The following TMEM40 variants were observed in gnomAD, a reference collection of about 807,000 sequenced individuals.
The protein encoded by TMEM40 is transmembrane protein 40.
Under a neutral mutation model 40.8 loss-of-function variants are expected in TMEM40, and 34 were observed. That is an observed-to-expected ratio of 0.83 (90% confidence interval 0.63 to 1.11). TMEM40 has a LOEUF of 1.11. Ranked by LOEUF, TMEM40 falls within the 50% of genes least tolerant of loss-of-function variation. The pLI, the probability that TMEM40 is intolerant of heterozygous loss-of-function variation, is 0.00. For missense variants in TMEM40, 296 were observed against 280.2 expected (o/e 1.06, Z -0.40); for synonymous variants, 106 against 107.0 (o/e 0.99, Z 0.06).
intron 1 of TMEM40, among the ~76,000 whole-genome samples, chr3:12,766,744 C>T (rs947727290): frequency 6.6e-6 from 1 of 152,182 alleles, no homozygotes; most frequent in African/African-American, 2.4e-5. Flanking sequence ...TCTGAGAGGC[C>T]AGCTGGACAG....
intron 1 of TMEM40, among the ~76,000 whole-genome samples, chr3:12,768,903 A>C (rs537988566): frequency 5.2e-5 from 2 of 38,582 alleles, no homozygotes; most frequent in African/African-American, 2.1e-4. Context: ...GGGGCGGGGC[A>C]GGGCGGGCCG....
chr3:12,735,736 G>C, intron 10 of TMEM40, 119 bp from the exon 11 acceptor site: 1 of 777,340 alleles, frequency 1.3e-6, no homozygotes, highest in East Asian at 2.6e-5. Flanking sequence ...ACTTCAGGCA[G>C]CAGGTTAAGC....
chr3:12,752,853 T>C (rs907373376), intron 1 of TMEM40, among the ~76,000 whole-genome samples: 2 of 151,048 alleles, frequency 1.3e-5, no homozygotes, highest in Admixed American at 6.6e-5. Context: ...GACCACACAG[T>C]AAGTGGTTAA....
At chr3:12,761,392 T>C (rs187296198), upstream of TMEM40, among the ~76,000 whole-genome samples, 1 of 152,044 alleles carries the variant, frequency 6.6e-6, no homozygotes, top group Non-Finnish European at 1.5e-5. Flanking sequence ...ATCACTTGAG[T>C]CCAGGAGTTC....
At chr3:12,769,396 G>A in exon 1 of TMEM40, 1 of 198,020 alleles carries the variant, frequency 5.0e-6, no homozygotes, top group South Asian at 4.6e-5. Context: ...CGAGGGCTGC[G>A]AGGGCTGCCA....
chr3:12,744,057 G>T, intron 3 of TMEM40, 68 bp from the exon 4 acceptor site: 1 of 1,486,082 alleles, frequency 6.7e-7, no homozygotes, highest in South Asian at 1.2e-5. Flanking sequence ...CGTTCATTCT[G>T]GTGGCCATTC....
chr3:12,761,388 T>C (rs1184872219), upstream of TMEM40, among the ~76,000 whole-genome samples: 1 of 152,142 alleles, frequency 6.6e-6, no homozygotes, highest in African/African-American at 2.4e-5. Flanking sequence ...GTGAATCACT[T>C]GAGTCCAGGA....
chr3:12,768,970 C>T (rs1263149287), intron 1 of TMEM40, among the ~76,000 whole-genome samples: 3 of 148,632 alleles, frequency 2.0e-5, no homozygotes, highest in Admixed American at 6.7e-5. Context: ...CGCGGCCTGG[C>T]GAGGCACAGG....
At chr3:12,736,544 C>CTG (rs753565486) in intron 10 of TMEM40, 34 bp downstream of exon 10, 283 of 1,541,928 alleles carry the variant, frequency 1.8e-4, no homozygotes, top group African/African-American at 4.0e-4. Context: ...CTCCAAGAGA[C>CTG]TGTGTGTGTG....
At chr3:12,768,567 C>A (rs1267358090) in intron 1 of TMEM40, among the ~76,000 whole-genome samples, 4 of 151,910 alleles carry the variant, frequency 2.6e-5, no homozygotes, top group Admixed American at 2.6e-4. Flanking sequence ...TACAGAGTGC[C>A]GACTGGTGCA....
chr3:12,755,284 T>TTTCTTTCTTTCTC (rs2061518920), intron 1 of TMEM40, among the ~76,000 whole-genome samples: 1 of 92,874 alleles, frequency 1.1e-5, no homozygotes. Context: ...TCTTTCTTTC[T>TTTCTTTCTTTCTC]TCTTTTCTAG....
upstream of TMEM40, among the ~76,000 whole-genome samples, chr3:12,763,617 G>A (rs2061582336): frequency 2.0e-5 from 3 of 152,318 alleles, no homozygotes; most frequent in South Asian, 6.2e-4. Context: ...AGGCATGGGT[G>A]TTCTGGAGAC....
upstream of TMEM40, among the ~76,000 whole-genome samples, chr3:12,760,440 G>T (rs2061561566): frequency 6.6e-6 from 1 of 151,974 alleles, no homozygotes; most frequent in Non-Finnish European, 1.5e-5. Flanking sequence ...ACATGTTCCA[G>T]TTCCCCTGGG....
intron 10 of TMEM40, among the ~76,000 whole-genome samples, chr3:12,736,208 G>A (rs551044536): frequency 1.3e-5 from 2 of 151,282 alleles, no homozygotes; most frequent in African/African-American, 4.9e-5. Context: ...GAGTGCAGTG[G>A]CACAAGCTTG....
At chr3:12,741,722 T>C (rs781627760) in intron 5 of TMEM40, among the ~76,000 whole-genome samples, 3 of 148,698 alleles carry the variant, frequency 2.0e-5, no homozygotes, top group South Asian at 2.1e-4. Context: ...ATTACTTGAG[T>C]AATTAAACGC....
chr3:12,755,239 CTT>C (rs2061516894), intron 1 of TMEM40, among the ~76,000 whole-genome samples: 77 of 88,884 alleles, frequency 8.7e-4, no homozygotes, highest in South Asian at 7.4e-3. Flanking sequence ...CTCTCTCTTT[CTT>C]TCTTTCTTTC....
intron 2 of TMEM40, among the ~76,000 whole-genome samples, chr3:12,749,377 G>C (rs2061455530): frequency 1.3e-5 from 2 of 152,210 alleles, no homozygotes; most frequent in Non-Finnish European, 2.9e-5. Flanking sequence ...AGATTCTGTA[G>C]AGTAGTTGCT....
intron 3 of TMEM40, among the ~76,000 whole-genome samples, chr3:12,745,615 A>C (rs2061421299): frequency 6.6e-6 from 1 of 151,686 alleles, no homozygotes; most frequent in East Asian, 2.0e-4. Flanking sequence ...TGCCCAGCTA[A>C]TTTTTTGTAT....
intron 1 of TMEM40, among the ~76,000 whole-genome samples, chr3:12,751,779 T>C (rs1464850779): frequency 6.6e-6 from 1 of 152,160 alleles, no homozygotes; most frequent in Non-Finnish European, 1.5e-5. Context: ...TCATCTCTAA[T>C]GAAGGCATTT....
Sources: allele counts gnomAD v4.1 joint callset (sites outside exome capture counted in the v4.1 genomes callset), GRCh38; gene constraint gnomAD v4.1.1; transcripts MANE v1.5; gene names NCBI Gene and HGNC (gene_info 2026-07-23, HGNC 2026-07-21).